The following ATXN7L1 variants were observed in gnomAD, a reference collection of about 807,000 sequenced individuals.
ATXN7L1 encodes ataxin-7-like protein 1.
In ATXN7L1, 15 loss-of-function variants were observed where a neutral mutation model predicts 70.8. That is an observed-to-expected ratio of 0.21 (90% CI 0.14 to 0.33). The LOEUF is 0.33. ATXN7L1 is among the 10% of genes least tolerant of loss of function. The probability of loss-of-function intolerance (pLI) is 1.00; values close to 1 mark genes in which losing one functional copy is unlikely to be tolerated. For synonymous variants in ATXN7L1, 440 were observed against 445.1 expected (o/e 0.99, Z 0.14); for missense variants, 975 against 1,097.1 (o/e 0.89, Z 1.57).
At chr7:105,750,675 C>A (rs979872501) in intron 3 of ATXN7L1, among the ~76,000 whole-genome samples, 2 of 152,092 alleles carry the variant, frequency 1.3e-5, no homozygotes, top group African/African-American at 4.8e-5. Flanking sequence ...TGGTGGCAGG[C>A]GCCTGTAATC....
At chr7:105,694,415 G>A (rs1791444079) in intron 3 of ATXN7L1, among the ~76,000 whole-genome samples, 1 of 152,092 alleles carries the variant, frequency 6.6e-6, no homozygotes, top group South Asian at 2.1e-4. Flanking sequence ...GGATTTCTGT[G>A]GGTTAAAACC....
chr7:105,625,480 AC>A (rs1247837983), intron 7 of ATXN7L1, among the ~76,000 whole-genome samples: 1 of 152,026 alleles, frequency 6.6e-6, no homozygotes, highest in Non-Finnish European at 1.5e-5. Flanking sequence ...TGAACTCCTG[AC>A]CTCAGGTGAT....
intron 2 of ATXN7L1, among the ~76,000 whole-genome samples, chr7:105,848,145 G>C (rs994099966): frequency 6.6e-6 from 1 of 152,194 alleles, no homozygotes; most frequent in Non-Finnish European, 1.5e-5. Flanking sequence ...CTAACGAAAT[G>C]TTCAACCTTA....
At chr7:105,685,040 A>AGAT (rs1168930037) in intron 3 of ATXN7L1, among the ~76,000 whole-genome samples, 38 of 105,078 alleles carry the variant, frequency 3.6e-4, no homozygotes, top group Admixed American at 7.8e-4. Context: ...TACAGAGAAG[A>AGAT]GATGATAATA....
At chr7:105,708,568 C>T (rs1793471630) in intron 3 of ATXN7L1, among the ~76,000 whole-genome samples, 1 of 152,192 alleles carries the variant, frequency 6.6e-6, no homozygotes, top group Non-Finnish European at 1.5e-5. Flanking sequence ...ATTAACTGAT[C>T]AATTTTCCCA....
chr7:105,681,587 A>T (rs1805562452), intron 3 of ATXN7L1, among the ~76,000 whole-genome samples: 2 of 152,172 alleles, frequency 1.3e-5, no homozygotes, highest in African/African-American at 4.8e-5. Context: ...TGGTATCTCA[A>T]ATGTGGGTAT....
intron 2 of ATXN7L1, among the ~76,000 whole-genome samples, chr7:105,831,584 G>A (rs551153351): frequency 3.3e-5 from 5 of 152,220 alleles, no homozygotes; most frequent in African/African-American, 1.2e-4. Context: ...CTCTCCTGAA[G>A]CCCCACAAAA....
chr7:105,619,264 T>C (rs1473953590), intron 9 of ATXN7L1, among the ~76,000 whole-genome samples: 1 of 143,848 alleles, frequency 7.0e-6, no homozygotes, highest in East Asian at 2.1e-4. Context: ...TCTCCTGCCT[T>C]AGCCTCCTGA....
intron 3 of ATXN7L1, among the ~76,000 whole-genome samples, chr7:105,737,666 C>T (rs1029670707): frequency 6.6e-6 from 1 of 151,952 alleles, no homozygotes; most frequent in Non-Finnish European, 1.5e-5. Flanking sequence ...AGATGTGCTG[C>T]CTTGGGTATA....
intron 2 of ATXN7L1, among the ~76,000 whole-genome samples, chr7:105,847,301 G>A (rs944366290): frequency 6.6e-6 from 1 of 152,068 alleles, no homozygotes; most frequent in African/African-American, 2.4e-5. Flanking sequence ...ACTAGATTAA[G>A]GACTGGATGG....
At chr7:105,658,557 C>T (rs1801060052) in intron 4 of ATXN7L1, among the ~76,000 whole-genome samples, 1 of 120,780 alleles carries the variant, frequency 8.3e-6, no homozygotes, top group South Asian at 2.6e-4. Context: ...GGTGGAGTCT[C>T]ACTTGCTTTG....
chr7:105,691,243 C>T (rs935318080), intron 3 of ATXN7L1, among the ~76,000 whole-genome samples: 82 of 152,260 alleles, frequency 5.4e-4, no homozygotes, highest in Non-Finnish European at 2.1e-4. Flanking sequence ...CCTCGAGGAG[C>T]GCCCCAGAGG....
chr7:105,826,674 G>A (rs1363253659), intron 2 of ATXN7L1, among the ~76,000 whole-genome samples: 1 of 152,010 alleles, frequency 6.6e-6, no homozygotes, highest in African/African-American at 2.4e-5. Flanking sequence ...AAAACAACAT[G>A]GCCACCAAGA....
chr7:105,859,832 G>C (rs1344370665), intron 2 of ATXN7L1, among the ~76,000 whole-genome samples: 1 of 141,300 alleles, frequency 7.1e-6, no homozygotes, highest in East Asian at 2.1e-4. Flanking sequence ...GGCCAGGCTA[G>C]AGTGCAGTGG....
chr7:105,768,957 C>T (rs2116433261), intron 3 of ATXN7L1, among the ~76,000 whole-genome samples: 1 of 152,294 alleles, frequency 6.6e-6, no homozygotes, highest in South Asian at 2.1e-4. Flanking sequence ...CTCTGTAAGC[C>T]TTTTCCCCCC....
intron 7 of ATXN7L1, among the ~76,000 whole-genome samples, chr7:105,635,136 G>C (rs1797170571): frequency 6.6e-6 from 1 of 152,202 alleles, no homozygotes; most frequent in Non-Finnish European, 1.5e-5. Context: ...CTATGAGACA[G>C]AGGGGACTGT....
At chr7:105,662,555 G>A (rs1244747277) in intron 4 of ATXN7L1, among the ~76,000 whole-genome samples, 2 of 152,166 alleles carry the variant, frequency 1.3e-5, no homozygotes, top group Non-Finnish European at 2.9e-5. Flanking sequence ...GTGCTTTTTG[G>A]TGCCATGGGG....
intron 2 of ATXN7L1, among the ~76,000 whole-genome samples, chr7:105,793,061 C>T (rs188071548): frequency 5.7e-4 from 87 of 152,318 alleles, no homozygotes; most frequent in African/African-American, 1.9e-3. Context: ...ATGAGATTCC[C>T]GGATACTCTG....
chr7:105,731,344 C>T (rs1796507117), intron 3 of ATXN7L1, among the ~76,000 whole-genome samples: 1 of 151,974 alleles, frequency 6.6e-6, no homozygotes. Flanking sequence ...GTATTATCGT[C>T]TCACTTTTTC....
Sources: gnomAD v4.1 joint callset for allele counts (sites outside exome capture counted in the v4.1 genomes callset) on GRCh38, gnomAD v4.1.1 for gene constraint, MANE v1.5 for transcripts, NCBI Gene and HGNC (gene_info 2026-07-23, HGNC 2026-07-21) for gene names.